Variants in TMC8 observed in about 807,000 individuals in gnomAD.
The protein encoded by TMC8 is transmembrane channel like 8, also known as transmembrane channel-like protein 8.
TMC8 carries 71 observed loss-of-function variants against 76.0 expected under a neutral mutation model. The ratio of observed to expected loss-of-function variants is 0.93; its 90% confidence interval spans 0.77 to 1.14. TMC8 has a LOEUF of 1.14. Among genes scored for constraint, TMC8 ranks in the 50% most tolerant of loss-of-function variants. The pLI is 0.00. For missense variants in TMC8, 924 were observed against 947.9 expected, an observed-to-expected ratio of 0.97 and a Z score of 0.33; for synonymous variants, 433 against 433.8, an observed-to-expected ratio of 1.00 and a Z score of 0.02.
rs1412367726 is a variant in TMC8, at chr17:78,138,150, A to C, written c.1495A>C (p.Asn499His). 6.2e-7 allele frequency: 1 copy of C among 1,613,826 alleles called. No individual in the cohort carries two copies. The highest frequency in any genetic ancestry group is 8.5e-7 in the Non-Finnish European group (1 of 1,179,972). ...LFYCPLLPLL[N>H]SVFLFLTFYI... ...CTACTGCCCCCTGCTGCCCCTGCTGAATAGCGTCTTCCTCTTCCTCACCTT... is the reference window on the plus strand; with the variant it reads ...CTACTGCCCCCTGCTGCCCCTGCTGCATAGCGTCTTCCTCTTCCTCACCTT... Residue 499 changes from asparagine (N) to histidine (H), a missense_variant, in exon 12 of 16, where the codon AAT becomes CAT. Transcript: ENST00000318430.
Position 78,132,006 on chromosome 17 carries a change from G to A in TMC8, c.274G>A (p.Glu92Lys), listed in dbSNP as rs1598895968. ...QRLARGLGLW[E>K]GALYEIGGLF... ...GCTGGCCCGGGGCCTTGGGCTCTGG[G>A]AGGGGGCGCTCTACGAGATCGGGGG... The change falls in exon 3 of 16, where the codon GAG becomes AAG. Residue 92 changes from glutamate (E) to lysine (K), a missense_variant. By Grantham distance (56) the Glu-to-Lys change is moderately conservative (BLOSUM62 1). Coordinates refer to ENST00000318430, the MANE Select transcript of TMC8 (RefSeq NM_152468.5). 1 of 1,532,988 alleles carries A rather than the reference G, an allele frequency of 6.5e-7. No homozygotes were observed. The highest frequency in any genetic ancestry group is 1.8e-4 in the Middle Eastern group (1 of 5,642). The allele number at this position is 1,532,988 out of a possible 1,614,324, so 95.0% of individuals were successfully genotyped here.
chr17:78,132,062 C>T (rs1236238115), intron 3 of TMC8, 32 bp downstream of exon 3: 3 of 1,534,680 alleles, frequency 2.0e-6, no homozygotes, highest in Non-Finnish European at 1.7e-6. Flanking sequence ...CCTCCCCTTG[C>T]CCTCTCTGGA....
Position 78,137,275 on chromosome 17 carries a change from G to A in TMC8, c.1168G>A (p.Val390Ile), listed in dbSNP as rs150546646. The A allele has an allele frequency of 9.4e-4, 1,518 of 1,613,930 alleles. 6 individuals are homozygous for A. In the Middle Eastern group the frequency reaches 0.018, roughly 19 times the overall value. Reference protein sequence around the residue: ...LKLASLGMFSVSLGQTILCIG... With the variant: ...LKLASLGMFSISLGQTILCIG... The stretch of plus-strand genomic sequence containing the variant: ...GCTGGCCAGCTTGGGGATGTTCTCC[G>A]TCTCCCTGGGTCAGACCATACTGTG... Residue 390 changes from valine (V) to isoleucine (I), a missense_variant, in exon 10 of 16, where the codon GTC (valine) becomes ATC (isoleucine). Transcript: ENST00000318430.
intron 6 of TMC8, 38 bp downstream of exon 6, chr17:78,133,580 G>A (rs372161974): frequency 1.0e-5 from 16 of 1,605,242 alleles, no homozygotes; most frequent in African/African-American, 1.3e-5. Context: ...CTTCCCCAGG[G>A]AATCTTCCCT....
rs1184520316 is a variant in TMC8 at position 78,132,272 on chromosome 17, G to A, written c.299-87G>A. 30 of 1,528,732 alleles carry A rather than the reference G, an allele frequency of 2.0e-5. No homozygotes were observed. The East Asian group carries it at 4.7e-4, about 24-fold the overall frequency. The allele number at this position is 1,528,732 out of a possible 1,614,324, so 94.7% of individuals were successfully genotyped here. A position where few individuals can be genotyped will look rare whatever the true frequency, so the allele number is the denominator to read the frequency against. On this transcript the variant is annotated intron_variant, in intron 3 of 15. Coordinates refer to ENST00000318430, the MANE Select transcript of TMC8 (RefSeq NM_152468.5). ...GGTGGGAGCCTGGCGGGCACCCCAC[G>A]CCGTCCGGTGGGCCCGCCCTTGGAC... is the stretch of plus-strand genomic sequence containing the variant.
chr17:78,139,824 G>C (rs1216114034), intron 15 of TMC8, among the ~76,000 whole-genome samples: 1 of 151,796 alleles, frequency 6.6e-6, no homozygotes, highest in Non-Finnish European at 1.5e-5. Context: ...CCTGAGGTCA[G>C]GGGTTCAAGA....
Position 78,134,478 on chromosome 17 carries a change from C to T in TMC8, c.901C>T (p.Arg301Trp), listed in dbSNP as rs778554801. 6.6e-5 allele frequency: 106 copies of T among 1,614,022 alleles called. 1 individual carries two copies. In the Middle Eastern group the frequency reaches 3.8e-3, roughly 58 times the overall value. ...GGCCTGCCGCCTGCTCTCCTACCTGCGGGTCAACGTACTCAACGGGCTCCT... is the reference window on the plus strand; with the variant it reads ...GGCCTGCCGCCTGCTCTCCTACCTGTGGGTCAACGTACTCAACGGGCTCCT... ...QTACRLLSYL[R>W]VNVLNGLLVV... The change falls in exon 8 of 16, where the codon CGG becomes TGG. Residue 301 changes from arginine to tryptophan, a missense_variant. Arg to Trp is a moderately radical substitution (Grantham distance 101, BLOSUM62 -3). Coordinates refer to ENST00000318430, the MANE Select transcript of TMC8 (RefSeq NM_152468.5).
At chr17:78,136,852 A>G in intron 9 of TMC8, 1 of 342,224 alleles carries the variant, frequency 2.9e-6, no homozygotes, top group Non-Finnish European at 5.8e-6. Context: ...ACCTGAGGTC[A>G]GGAGTTCGAG....
At position 78,133,865 on chromosome 17, in the gene TMC8, G is replaced by T. The variant is rs769704139; in HGVS notation, c.681G>T (p.Gly227=). 6.2e-7 allele frequency: 1 copy of T among 1,613,250 alleles called. No individual in the cohort carries two copies. Among genetic ancestry groups the T allele is most frequent in the Admixed American group, 1.7e-5 (1 of 60,024 alleles). Residue 227 remains glycine, a synonymous_variant, in exon 7 of 16, where the codon GGG becomes GGT. Coordinates refer to ENST00000318430, the MANE Select transcript of TMC8 (RefSeq NM_152468.5). ...FCGTLRRMVK[G]LPQKTLLGQG... ...TCCTGCCCCGCAGGATGGTGAAGGG[G>T]CTGCCGCAGAAGACTCTGCTGGGTC...
chr17:78,140,245 G>A (rs186512546), intron 15 of TMC8, among the ~76,000 whole-genome samples: 1 of 152,156 alleles, frequency 6.6e-6, no homozygotes, highest in African/African-American at 2.4e-5. Flanking sequence ...GATCGCTTGA[G>A]CCTGAGAGGT....
chr17:78,132,369 C>G lies in TMC8; in HGVS notation c.309C>G (p.Gly103=), dbSNP rs1219215527. 1.9e-6 allele frequency: 3 copies of G among 1,612,940 alleles called. No individual in the cohort carries two copies. The South Asian group carries it at 3.3e-5, about 18-fold the overall frequency. Reference sequence around the variant, plus strand: ...GCTCTCCCACTGCAGGCCTCTTCGGCACAGGAATTCGGTCCTACTTCACCT... The same window carrying G: ...GCTCTCCCACTGCAGGCCTCTTCGGGACAGGAATTCGGTCCTACTTCACCT... ...GALYEIGGLF[G]TGIRSYFTFL... The change falls in exon 4 of 16, where the codon GGC becomes GGG. Residue 103 remains glycine, a synonymous_variant. Coordinates refer to ENST00000318430, the MANE Select transcript of TMC8 (RefSeq NM_152468.5).
intron 5 of TMC8, 103 bp from the exon 6 acceptor site, chr17:78,133,303 C>T (rs2075092601): frequency 1.3e-6 from 2 of 1,579,814 alleles, no homozygotes; most frequent in Non-Finnish European, 8.7e-7. Context: ...ACACTCCCTA[C>T]CTGATGGGGG....
chr17:78,140,419 G>A (rs914908778), intron 15 of TMC8, among the ~76,000 whole-genome samples: 1 of 152,250 alleles, frequency 6.6e-6, no homozygotes, highest in Non-Finnish European at 1.5e-5. Context: ...GTGGCCTCAG[G>A]GTGGGGCCTC....
intron 5 of TMC8, 122 bp from the exon 6 acceptor site, chr17:78,133,284 T>G: frequency 6.6e-7 from 1 of 1,511,326 alleles, no homozygotes; most frequent in Non-Finnish European, 9.1e-7. Flanking sequence ...TGGGCCCTTG[T>G]AAGACGGGAC....
rs181135676 is a variant in TMC8 at position 78,137,148 on chromosome 17, C to T, written c.1128-87C>T. 3.8e-3 allele frequency: 6,020 copies of T among 1,580,304 alleles called. 19 individuals carry two copies. The highest frequency in any genetic ancestry group is 4.5e-3 in the Non-Finnish European group (5,207 of 1,166,078). ...GGGCCCAGGACACAACATGATCCCA[C>T]TCGGACATCAGCCACACCTATAGCC... On this transcript the variant is annotated intron_variant, in intron 9 of 15. Transcript: ENST00000318430.
rs1319170754 is a variant in TMC8, at chr17:78,141,069, C to G, written c.2138C>G (p.Ala713Gly). 2 of 1,590,232 alleles carry G rather than the reference C, an allele frequency of 1.3e-6. No homozygotes were observed. Among genetic ancestry groups the G allele is most frequent in the South Asian group, 2.2e-5 (2 of 89,658 alleles). ...SPCPGQHGAP[A>G]SARRFRFPSG... The stretch of plus-strand genomic sequence containing the variant: ...TGCCCTGGACAGCACGGTGCCCCGG[C>G]CTCCGCCCGCAGATTCCGCTTCCCC... Residue 713 changes from alanine (A) to glycine (G), a missense_variant, in exon 16 of 16, where the codon GCC (alanine) becomes GGC (glycine). Ala to Gly is a moderately conservative substitution (Grantham distance 60, BLOSUM62 0). Transcript: ENST00000318430.
rs772046649 is a variant in TMC8 at position 78,139,114 on chromosome 17, G to A, written c.1824-48G>A. 14 of 1,609,212 alleles carry A rather than the reference G, an allele frequency of 8.7e-6. No homozygotes were observed. In the East Asian group the frequency reaches 8.9e-5, roughly 10 times the overall value. On this transcript the variant is annotated intron_variant, in intron 14 of 15. Coordinates refer to ENST00000318430, the MANE Select transcript of TMC8 (RefSeq NM_152468.5). ...GGGAGAGAGGAAGTCAGGGAGAGGCGCCTGTGGCCCCAGGGGCAACTGACC... is the reference window on the plus strand; with the variant it reads ...GGGAGAGAGGAAGTCAGGGAGAGGCACCTGTGGCCCCAGGGGCAACTGACC...
chr17:78,138,845 A>G (rs1415780594), intron 14 of TMC8, 113 bp downstream of exon 14: 2 of 1,554,276 alleles, frequency 1.3e-6, no homozygotes, highest in Non-Finnish European at 1.7e-6. Flanking sequence ...CAGAAAGCCA[A>G]GGGAAGCAGG....
At chr17:78,132,185 G>T (rs1339137072) in intron 3 of TMC8, 155 bp downstream of exon 3, 3 of 1,394,154 alleles carry the variant, frequency 2.2e-6, no homozygotes, top group African/African-American at 2.8e-5. Context: ...CGCAGGCACC[G>T]CAAACCTCGG....
Sources: gnomAD v4.1 joint callset for allele counts (sites outside exome capture counted in the v4.1 genomes callset) on GRCh38, gnomAD v4.1.1 for gene constraint, MANE v1.5 for transcripts, NCBI Gene and HGNC (gene_info 2026-07-23, HGNC 2026-07-21) for gene names.